Variants in WDR25 observed in about 807,000 individuals in gnomAD.
WDR25 encodes WD repeat domain 25.
In WDR25, 35 loss-of-function variants were observed where a neutral mutation model predicts 47.7. The observed-to-expected ratio is 0.73, with a 90% confidence interval of 0.56 to 0.97. The LOEUF (loss-of-function observed/expected upper bound fraction) is 0.97, where lower values mean the gene tolerates loss of function less well. Ranked by LOEUF, WDR25 falls within the 50% of genes least tolerant of loss-of-function variation. The pLI is 0.00. For missense variants in WDR25, 634 were observed against 704.7 expected, an observed-to-expected ratio of 0.90 and a Z score of 1.14; for synonymous variants, 248 against 278.9, an observed-to-expected ratio of 0.89 and a Z score of 1.10.
At chr14:100,522,704 A>G (rs1430899743) in intron 4 of WDR25, among the ~76,000 whole-genome samples, 1 of 152,218 alleles carries the variant, frequency 6.6e-6, no homozygotes, top group African/African-American at 2.4e-5. Flanking sequence ...CTTTACAGAT[A>G]TGGAGACTGA....
intron 4 of WDR25, among the ~76,000 whole-genome samples, chr14:100,511,138 C>T (rs1034277636): frequency 1.3e-5 from 2 of 152,120 alleles, no homozygotes; most frequent in Admixed American, 1.3e-4. Flanking sequence ...GTACTGCCAA[C>T]AATTTTGTTT....
At position 100,408,206 on chromosome 14, in the gene WDR25, C is replaced by G. The variant is rs181408685; in HGVS notation, c.822+26460C>G. On this transcript the variant is annotated intron_variant, in intron 2 of 6. Transcript: ENST00000402312. ...CCCTAAGGAGACCTCATCGGACGTT[C>G]CTGTGATAATCTAGGCCTCAGGACA... Among the ~76,000 whole-genome samples, 45 of 152,210 alleles carry G rather than the reference C, an allele frequency of 3.0e-4. 1 individual carries two copies. The East Asian group carries it at 8.7e-3, about 29-fold the overall frequency.
chr14:100,518,238 A>G (rs949668825), intron 4 of WDR25, among the ~76,000 whole-genome samples: 9 of 152,154 alleles, frequency 5.9e-5, no homozygotes, highest in Non-Finnish European at 1.0e-4. Context: ...TTCCTGAAAG[A>G]TATTTTTGCT....
At chr14:100,422,303 C>T (rs1898049014) in intron 2 of WDR25, among the ~76,000 whole-genome samples, 1 of 152,162 alleles carries the variant, frequency 6.6e-6, no homozygotes, top group East Asian at 1.9e-4. Context: ...GTCTGGGCTT[C>T]CTCATCCCAT....
intron 4 of WDR25, among the ~76,000 whole-genome samples, chr14:100,522,015 G>A (rs1005034740): frequency 6.6e-6 from 1 of 152,128 alleles, no homozygotes; most frequent in African/African-American, 2.4e-5. Flanking sequence ...CTTTTGTTAG[G>A]AGCAAAGTGG....
intron 2 of WDR25, among the ~76,000 whole-genome samples, chr14:100,411,925 T>TA (rs1897719155): frequency 6.6e-6 from 1 of 152,202 alleles, no homozygotes; most frequent in Non-Finnish European, 1.5e-5. Context: ...GATCTAATGT[T>TA]GAATGTAATG....
chr14:100,459,961 T>G (rs1362576320), intron 2 of WDR25, among the ~76,000 whole-genome samples: 1 of 129,572 alleles, frequency 7.7e-6, no homozygotes, highest in African/African-American at 2.8e-5. Flanking sequence ...TACACACACA[T>G]ATACACACAA....
chr14:100,519,322 C>A (rs2140378441), intron 4 of WDR25, among the ~76,000 whole-genome samples: 1 of 150,908 alleles, frequency 6.6e-6, no homozygotes, highest in Non-Finnish European at 1.5e-5. Context: ...TTCAGGTTTA[C>A]ATTAGATTTG....
At chr14:100,403,841 A>G (rs1897452697) in intron 2 of WDR25, among the ~76,000 whole-genome samples, 1 of 152,168 alleles carries the variant, frequency 6.6e-6, no homozygotes. Flanking sequence ...ACTTCCATCG[A>G]GATGATTGCA....
chr14:100,434,550 G>GT (rs1898441973), intron 2 of WDR25, among the ~76,000 whole-genome samples: 1 of 152,180 alleles, frequency 6.6e-6, no homozygotes, highest in Non-Finnish European at 1.5e-5. Context: ...TTTCAGTGTG[G>GT]TTATGTTATT....
rs575934571 is a variant in WDR25, at chr14:100,509,543, A to C, written c.1102-16327A>C. On this transcript the variant is annotated intron_variant, in intron 4 of 6. Coordinates refer to ENST00000402312, the MANE Select transcript of WDR25 (RefSeq NM_001161476.3). ...TCAAAAATGTCTTTATTTTTCCTTCATTTTTGTCGTGTCCTGCCCTTTTTA... is the reference window on the plus strand; with the variant it reads ...TCAAAAATGTCTTTATTTTTCCTTCCTTTTTGTCGTGTCCTGCCCTTTTTA... Among the ~76,000 whole-genome samples, 152 of 152,066 alleles carry C rather than the reference A, an allele frequency of 1.0e-3. 2 individuals are homozygous for C. Among genetic ancestry groups the C allele is most frequent in the Admixed American group, 4.1e-3 (62 of 15,280 alleles).
chr14:100,415,162 C>G (rs1227741620), intron 2 of WDR25, among the ~76,000 whole-genome samples: 2 of 152,088 alleles, frequency 1.3e-5, no homozygotes, highest in Non-Finnish European at 2.9e-5. Flanking sequence ...GCTTAAGCTA[C>G]TAAGGATGAG....
rs751019544 is a variant in WDR25, at chr14:100,529,802, C to T, written c.1414-18C>T. 6.2e-7 allele frequency: 1 copy of T among 1,608,250 alleles called. No homozygotes were observed. Among genetic ancestry groups the T allele is most frequent in the South Asian group, 1.1e-5 (1 of 90,730 alleles). On this transcript the variant is annotated intron_variant, in intron 6 of 6. Transcript: ENST00000402312. The surrounding 1 kb of genome is among the most constrained non-coding windows in gnomAD (Gnocchi z 5.1). Reference sequence around the variant, plus strand: ...TTGACAGGTGCGGCTTGCTCACCCACTGTGTCCCTCTCTGCAGGTGGAGGG... The same window carrying T: ...TTGACAGGTGCGGCTTGCTCACCCATTGTGTCCCTCTCTGCAGGTGGAGGG...
In WDR25 at chr14:100,494,383, T is replaced by C. The variant is rs748868909; in HGVS notation, c.1101+10259T>C. On this transcript the variant is annotated intron_variant, in intron 4 of 6. Transcript: ENST00000402312. ...CCTTAGCATGTTGATTATAGTTGTT[T>C]TAAATTTGCAGCCTGATAATTCCGT... is the stretch of plus-strand genomic sequence containing the variant. Among the ~76,000 whole-genome samples the C allele has an allele frequency of 3.2e-4, 49 of 152,252 alleles. 1 individual carries two copies. The highest frequency in any genetic ancestry group is 5.7e-4 in the Non-Finnish European group (39 of 68,046).
At chr14:100,432,350 A>G (rs766807413) in intron 2 of WDR25, among the ~76,000 whole-genome samples, 18 of 152,228 alleles carry the variant, frequency 1.2e-4, no homozygotes, top group Non-Finnish European at 2.1e-4. Flanking sequence ...TTCATTCGTT[A>G]TTTTTAGAAA....
chr14:100,431,906 C>T (rs1455460609), intron 2 of WDR25, among the ~76,000 whole-genome samples: 3 of 152,242 alleles, frequency 2.0e-5, no homozygotes, highest in South Asian at 2.1e-4. Flanking sequence ...GATGGGGTTT[C>T]ACCAGATTGA....
intron 2 of WDR25, among the ~76,000 whole-genome samples, chr14:100,429,001 A>G (rs753503275): frequency 6.6e-6 from 1 of 152,144 alleles, no homozygotes; most frequent in Non-Finnish European, 1.5e-5. Context: ...TCCTGCACTT[A>G]TTGAATCAGT....
chr14:100,405,864 C>T lies in WDR25; in HGVS notation c.822+24118C>T, dbSNP rs142034994. ...AGGAAACCCACCTGGATGTTTTTCTCTGTAACTGGCCATTTGGAGACAGGG... is the reference window on the plus strand; with the variant it reads ...AGGAAACCCACCTGGATGTTTTTCTTTGTAACTGGCCATTTGGAGACAGGG... On this transcript the variant is annotated intron_variant, in intron 2 of 6. Coordinates refer to ENST00000402312, the MANE Select transcript of WDR25 (RefSeq NM_001161476.3). 6.6e-5 allele frequency among the ~76,000 whole-genome samples: 10 copies of T among 152,320 alleles called. No individual in the cohort carries two copies. In the East Asian group the frequency reaches 1.9e-3, roughly 29 times the overall value.
rs531427336 is a variant in WDR25, at chr14:100,458,803, C to T, written c.823-9218C>T. Reference sequence around the variant, plus strand: ...ACACACTTCTAAATAGCCCGTGGGTCAATGAAGAAACAGATAGAGACATTA... The same window carrying T: ...ACACACTTCTAAATAGCCCGTGGGTTAATGAAGAAACAGATAGAGACATTA... On this transcript the variant is annotated intron_variant, in intron 2 of 6. Coordinates refer to ENST00000402312, the MANE Select transcript of WDR25 (RefSeq NM_001161476.3). Among the ~76,000 whole-genome samples the T allele has an allele frequency of 1.7e-3, 260 of 152,082 alleles. 2 individuals carry two copies. The highest frequency in any genetic ancestry group is 6.1e-3 in the African/African-American group (251 of 41,484).
Sources: allele counts gnomAD v4.1 joint callset (sites outside exome capture counted in the v4.1 genomes callset), GRCh38; gene constraint gnomAD v4.1.1; non-coding constraint Gnocchi (gnomAD v3.1); transcripts MANE v1.5; gene names NCBI Gene and HGNC (gene_info 2026-07-23, HGNC 2026-07-21).